Variants in LRP8 observed in about 807,000 individuals in gnomAD.
LRP8 encodes low-density lipoprotein receptor-related protein 8.
LRP8 carries 46 observed loss-of-function variants against 111.6 expected under a neutral mutation model. The observed-to-expected ratio is 0.41, with a 90% confidence interval of 0.33 to 0.53. LRP8 has a LOEUF of 0.53. Among genes scored for constraint, LRP8 ranks in the 20% least tolerant of loss-of-function variants. LRP8 has a pLI of 0.20. For synonymous variants in LRP8, 464 were observed against 511.2 expected, an observed-to-expected ratio of 0.91 and a Z score of 1.24; for missense variants, 959 against 1,297.4, an observed-to-expected ratio of 0.74 and a Z score of 4.01.
At chr1:53,273,902 C>T (rs945851689) in intron 6 of LRP8, among the ~76,000 whole-genome samples, 4 of 152,162 alleles carry the variant, frequency 2.6e-5, no homozygotes, top group Admixed American at 6.5e-5. Context: ...AGGGACTGAC[C>T]TAGCCTCTGT....
rs1157320108 is a variant in LRP8 at position 53,264,187 on chromosome 1, G to C, written c.1637C>G (p.Ala546Gly). The change falls in exon 10 of 19, where the codon GCT becomes GGT. Residue 546 changes from alanine to glycine, a missense_variant. Ala to Gly is a moderately conservative substitution (Grantham distance 60). Transcript: ENST00000306052. The stretch of plus-strand genomic sequence containing the variant: ...CACTCACCCTCGCAGGGGGTCAACA[G>C]CGATGGCCCGGGGTTCACTGAGGTT... ...SRNLSEPRAI[A>G]VDPLRGFMYW... 10 of 1,614,180 alleles carry C rather than the reference G, an allele frequency of 6.2e-6. No individual in the cohort carries two copies. The highest frequency in any genetic ancestry group is 8.5e-6 in the Non-Finnish European group (10 of 1,180,026).
intron 9 of LRP8, among the ~76,000 whole-genome samples, chr1:53,265,624 T>G (rs550240325): frequency 1.8e-4 from 28 of 152,258 alleles, no homozygotes; most frequent in Non-Finnish European, 3.7e-4. Context: ...TAGTTATGTT[T>G]TTGGGTGTGT....
In LRP8 at chr1:53,293,761, C is replaced by G. The variant is rs1389871067; in HGVS notation, c.245-4072G>C. Reference sequence around the variant, plus strand: ...CAGCACTTTCAGGGTGGGGACTAGACTAAAGCACGCTGGAGGGCCCCATTG... The same window carrying G: ...CAGCACTTTCAGGGTGGGGACTAGAGTAAAGCACGCTGGAGGGCCCCATTG... On this transcript the variant is annotated intron_variant, in intron 2 of 18. Transcript: ENST00000306052. The surrounding 1 kb of genome is among the most constrained non-coding windows in gnomAD (Gnocchi z 4.9). Among the ~76,000 whole-genome samples the G allele has an allele frequency of 6.6e-6, 1 of 152,178 alleles. No homozygotes were observed. Among genetic ancestry groups the G allele is most frequent in the Admixed American group, 6.5e-5 (1 of 15,274 alleles).
At chr1:53,318,105 T>G (rs1277874009) in intron 2 of LRP8, among the ~76,000 whole-genome samples, 1 of 152,130 alleles carries the variant, frequency 6.6e-6, no homozygotes, top group African/African-American at 2.4e-5. Context: ...GAAAATGAAG[T>G]TCAGAGAGGG....
Position 53,262,658 on chromosome 1 carries a change from G to A in LRP8, c.1656-94C>T, listed in dbSNP as rs1399768934. ...GCTCAATAACCCATTGACTAGTTGT[G>A]GTTTATGTTTAGTAGGGACTGAGAA... On this transcript the variant is annotated intron_variant, in intron 10 of 18. Coordinates refer to ENST00000306052, the MANE Select transcript of LRP8 (RefSeq NM_004631.5). The surrounding 1 kb of genome is among the most constrained non-coding windows in gnomAD (Gnocchi z 4.8). 4 of 964,492 alleles carry A rather than the reference G, an allele frequency of 4.1e-6. No homozygotes were observed. In the African/African-American group the frequency reaches 6.4e-5, roughly 15 times the overall value. 59.7% of individuals were successfully genotyped at this position (964,492 alleles called of 1,614,324 possible).
At chr1:53,318,088 G>A (rs1654039891) in intron 2 of LRP8, among the ~76,000 whole-genome samples, 1 of 152,238 alleles carries the variant, frequency 6.6e-6, no homozygotes, top group African/African-American at 2.4e-5. Flanking sequence ...GGACCAATGA[G>A]TGAAAGGAAA....
At chr1:53,259,592 T>C (rs992288655) in intron 13 of LRP8, among the ~76,000 whole-genome samples, 1 of 152,196 alleles carries the variant, frequency 6.6e-6, no homozygotes, top group Non-Finnish European at 1.5e-5. Flanking sequence ...ATTTTTTTTT[T>C]TTTTAAGAGG....
rs1645710845 is a variant in LRP8, at chr1:53,245,702, T to G, written c.*1316A>C. ...TGACTTAAGCCAAAAATTAGTTTCA[T>G]CTATATGAACATATGATGGTAAGTA... On this transcript the variant is annotated 3_prime_UTR_variant, in exon 19 of 19. Transcript: ENST00000306052. 6.6e-6 allele frequency: 1 copy of G among 152,648 alleles called. No individual in the cohort carries two copies. Among genetic ancestry groups the G allele is most frequent in the Admixed American group, 6.5e-5 (1 of 15,284 alleles). 9.5% of individuals were successfully genotyped at this position (152,648 alleles called of 1,614,324 possible).
intron 2 of LRP8, among the ~76,000 whole-genome samples, chr1:53,326,605 G>T (rs539413560): frequency 1.1e-3 from 162 of 141,648 alleles, no homozygotes; most frequent in African/African-American, 4.6e-3. Flanking sequence ...AGTCTCCCCA[G>T]CATGGTGCGC....
rs116811304 is a variant in LRP8 at position 53,296,785 on chromosome 1, C to A, written c.245-7096G>T. 7.7e-3 allele frequency among the ~76,000 whole-genome samples: 1,167 copies of A among 152,314 alleles called. 11 individuals are homozygous for A. The highest frequency in any genetic ancestry group is 0.027 in the African/African-American group (1,119 of 41,570). ...GAGCAACCTGCACCCCACCCGGGGG[C>A]CCTGGCCTGACGGCCGTCCCACTAC... On this transcript the variant is annotated intron_variant, in intron 2 of 18. Coordinates refer to ENST00000306052, the MANE Select transcript of LRP8 (RefSeq NM_004631.5).
intron 2 of LRP8, among the ~76,000 whole-genome samples, chr1:53,297,396 C>T (rs149192492): frequency 1.3e-5 from 2 of 152,214 alleles, no homozygotes; most frequent in African/African-American, 2.4e-5. Flanking sequence ...TCCCAGAAGG[C>T]GAACGGTTCC....
intron 13 of LRP8, 73 bp downstream of exon 13, chr1:53,260,391 G>T: frequency 1.4e-6 from 2 of 1,473,578 alleles, no homozygotes; most frequent in Non-Finnish European, 1.9e-6. Flanking sequence ...TGTGAACACA[G>T]CCTGCCTGGT....
chr1:53,314,681 G>A (rs1436534906), intron 2 of LRP8, among the ~76,000 whole-genome samples: 2 of 152,130 alleles, frequency 1.3e-5, no homozygotes, highest in Non-Finnish European at 2.9e-5. Context: ...GTGGGTGAGC[G>A]CCCAGTCCCC....
intron 2 of LRP8, among the ~76,000 whole-genome samples, chr1:53,312,269 T>C (rs1237724663): frequency 6.6e-6 from 1 of 152,230 alleles, no homozygotes; most frequent in Non-Finnish European, 1.5e-5. Context: ...CACAGCTCCC[T>C]ACTCAGAATG....
At chr1:53,319,177 G>A (rs962493636) in intron 2 of LRP8, among the ~76,000 whole-genome samples, 6 of 152,160 alleles carry the variant, frequency 3.9e-5, no homozygotes, top group Admixed American at 2.6e-4. Flanking sequence ...GAGCACACCT[G>A]TGAGGCACCA....
intron 8 of LRP8, among the ~76,000 whole-genome samples, chr1:53,269,488 A>AT (rs957869100): frequency 3.3e-5 from 5 of 150,798 alleles, no homozygotes; most frequent in African/African-American, 9.8e-5. Context: ...TAGTTTTTAA[A>AT]TTTTTTTTTA....
chr1:53,243,183 G>A lies in LRP8; in HGVS notation c.*3835C>T, dbSNP rs1354147636. On this transcript the variant is annotated 3_prime_UTR_variant, in exon 19 of 19. Coordinates refer to ENST00000306052, the MANE Select transcript of LRP8 (RefSeq NM_004631.5). ...GTGTATGGCTGGAGTTCGGGGGGTA[G>A]GGTGGAGAGGCTTGCATTCCTGTGC... is the stretch of plus-strand genomic sequence containing the variant. 6.6e-6 allele frequency: 1 copy of A among 152,164 alleles called. No individual in the cohort carries two copies. The highest frequency in any genetic ancestry group is 2.4e-5 in the African/African-American group (1 of 41,430). The allele number at this position is 152,164 out of a possible 1,614,324, so 9.4% of individuals were successfully genotyped here. A position where few individuals can be genotyped will look rare whatever the true frequency, so the allele number is the denominator to read the frequency against.
intron 2 of LRP8, chr1:53,305,365 A>G (rs1349773738): frequency 6.6e-6 from 1 of 152,164 alleles, no homozygotes; most frequent in Non-Finnish European, 1.5e-5. Context: ...TCAGTGACCG[A>G]AGTTCCTCCT....
chr1:53,250,623 G>GAGGGGAAGAAAGGATGGA lies in LRP8; in HGVS notation c.2676+49_2676+66dup. ...AAGGATGGGAAGGAAGAAAGGATGGGAGGGGAAGAAAGGATGGAAGGGAAG... is the reference window on the plus strand; with the variant it reads ...AAGGATGGGAAGGAAGAAAGGATGGGAGGGGAAGAAAGGATGGAAGGGGAAGAAAGGATGGAAGGGAAG... On this transcript the variant is annotated intron_variant, in intron 17 of 18. Transcript: ENST00000306052. This position sits in a 1 kb window ranked among gnomAD's most constrained non-coding sequence, Gnocchi z 4.6. 1 of 1,390,432 alleles carries GAGGGGAAGAAAGGATGGA rather than the reference G, an allele frequency of 7.2e-7. No individual in the cohort carries two copies. Among genetic ancestry groups the GAGGGGAAGAAAGGATGGA allele is most frequent in the East Asian group, 2.3e-5 (1 of 43,090 alleles). The allele number at this position is 1,390,432 out of a possible 1,614,324, so 86.1% of individuals were successfully genotyped here.
Sources: gnomAD v4.1 joint callset for allele counts (sites outside exome capture counted in the v4.1 genomes callset) on GRCh38, gnomAD v4.1.1 for gene constraint, Gnocchi (gnomAD v3.1) non-coding constraint, MANE v1.5 for transcripts, NCBI Gene and HGNC (gene_info 2026-07-23, HGNC 2026-07-21) for gene names.